TMCC1: variants seen among roughly 807,000 people sequenced by gnomAD.
The protein encoded by TMCC1 is transmembrane and coiled-coil domain family 1.
In TMCC1, 15 loss-of-function variants were observed where a neutral mutation model predicts 52.4. The observed-to-expected ratio is 0.29, with a 90% CI of 0.19 to 0.44. The LOEUF is 0.44. TMCC1 is among the 20% of genes least tolerant of loss of function. TMCC1 has a pLI of 1.00. For synonymous variants in TMCC1, 279 were observed against 301.9 expected, an observed-to-expected ratio of 0.92 and a Z score of 0.79; for missense variants, 503 against 806.0, an observed-to-expected ratio of 0.62 and a Z score of 4.55.
intron 1 of TMCC1, among the ~76,000 whole-genome samples, chr3:129,883,883 G>GA (rs1164726294): frequency 5.3e-5 from 8 of 151,276 alleles, no homozygotes; most frequent in African/African-American, 1.9e-4. Flanking sequence ...ATTAAAAAAA[G>GA]AAAAAATATA....
At position 129,670,741 on chromosome 3, in the gene TMCC1, G is replaced by A; in HGVS notation, c.1100C>T (p.Ser367Leu). 1 of 1,614,174 alleles carries A rather than the reference G, an allele frequency of 6.2e-7. No homozygotes were observed. Residue 367 changes from serine (S) to leucine (L), a missense_variant, in exon 5 of 7, where the codon TCA becomes TTA. This residue lies in a region of TMCC1 where 73 missense variants were observed against 182.9 expected (regional missense o/e 0.40). Coordinates refer to ENST00000393238, the MANE Select transcript of TMCC1 (RefSeq NM_001017395.5). ...GAGTGAGGCAATCTCTCTGGGCTTT[G>A]AGACTACAGCGCCTGCTGCTGAATG... The part of the protein sequence containing the change: ...ATHSAAGAVV[S>L]KPREIASLIR...
chr3:129,842,991 G>A (rs1186208235), intron 2 of TMCC1, among the ~76,000 whole-genome samples: 1 of 151,998 alleles, frequency 6.6e-6, no homozygotes, highest in Non-Finnish European at 1.5e-5. Flanking sequence ...TATAAAAGAA[G>A]ACCTAAAACC....
intron 6 of TMCC1, among the ~76,000 whole-genome samples, chr3:129,652,562 C>G (rs2086405338): frequency 6.6e-6 from 1 of 152,184 alleles, no homozygotes; most frequent in South Asian, 2.1e-4. Context: ...CCATGCCAGA[C>G]AAGGTTAAAT....
At chr3:129,731,678 A>C (rs1025934763) in intron 4 of TMCC1, among the ~76,000 whole-genome samples, 5 of 151,238 alleles carry the variant, frequency 3.3e-5, no homozygotes, top group Non-Finnish European at 5.9e-5. Flanking sequence ...TGCCTGGCCC[A>C]AAATTTTTTT....
rs1387591990 is a variant in TMCC1 at position 129,669,391 on chromosome 3, G to A, written c.1511+939C>T. Among the ~76,000 whole-genome samples the A allele has an allele frequency of 2.6e-5, 4 of 151,980 alleles. No homozygotes were observed. The East Asian group carries it at 5.8e-4, about 22-fold the overall frequency. ...TAGTCCTCAATTTGCAGCATTAGGTGGCCTGTCTCTGGCTAACAAAGTTTG... is the reference window on the plus strand; with the variant it reads ...TAGTCCTCAATTTGCAGCATTAGGTAGCCTGTCTCTGGCTAACAAAGTTTG... On this transcript the variant is annotated intron_variant, in intron 5 of 6. Coordinates refer to ENST00000393238, the MANE Select transcript of TMCC1 (RefSeq NM_001017395.5).
chr3:129,706,781 CTTGTTT>C (rs2048280055), intron 4 of TMCC1, among the ~76,000 whole-genome samples: 1 of 152,040 alleles, frequency 6.6e-6, no homozygotes, highest in African/African-American at 2.4e-5. Flanking sequence ...AAGTCATTTC[CTTGTTT>C]TTATTTCATT....
intron 4 of TMCC1, among the ~76,000 whole-genome samples, chr3:129,693,175 T>C (rs2047148152): frequency 6.6e-6 from 1 of 152,158 alleles, no homozygotes; most frequent in Middle Eastern, 3.2e-3. Flanking sequence ...CTTTGATGGG[T>C]TTGCGTCTTT....
intron 4 of TMCC1, among the ~76,000 whole-genome samples, chr3:129,717,780 T>C (rs1041238871): frequency 3.3e-5 from 5 of 152,188 alleles, no homozygotes; most frequent in Admixed American, 6.5e-5. Context: ...TGAACCATGA[T>C]CATATATTGT....
intron 4 of TMCC1, among the ~76,000 whole-genome samples, chr3:129,735,939 C>T (rs1378534710): frequency 6.6e-6 from 1 of 152,150 alleles, no homozygotes; most frequent in Non-Finnish European, 1.5e-5. Context: ...TGGGGGGACT[C>T]CTGGAACATC....
At chr3:129,699,953 G>A (rs1350345925) in intron 4 of TMCC1, among the ~76,000 whole-genome samples, 1 of 151,990 alleles carries the variant, frequency 6.6e-6, no homozygotes. Flanking sequence ...AAAACCTTAG[G>A]TATTACTTTA....
chr3:129,841,584 AAAT>A (rs370617810), intron 2 of TMCC1, among the ~76,000 whole-genome samples: 7 of 152,180 alleles, frequency 4.6e-5, no homozygotes, highest in African/African-American at 1.2e-4. Flanking sequence ...CTCCCTCTCA[AAAT>A]AATAATAATA....
chr3:129,788,620 G>A (rs954938494), intron 4 of TMCC1, among the ~76,000 whole-genome samples: 4 of 151,596 alleles, frequency 2.6e-5, no homozygotes, highest in Non-Finnish European at 4.4e-5. Flanking sequence ...CCGCCACCAC[G>A]CCCGGCTAAT....
At chr3:129,699,651 C>A (rs2047672816) in intron 4 of TMCC1, among the ~76,000 whole-genome samples, 1 of 152,200 alleles carries the variant, frequency 6.6e-6, no homozygotes, top group Non-Finnish European at 1.5e-5. Flanking sequence ...GATGCAAGAA[C>A]CCTCTCTTGG....
At chr3:129,865,527 A>G (rs1172678648) in intron 2 of TMCC1, among the ~76,000 whole-genome samples, 1 of 152,218 alleles carries the variant, frequency 6.6e-6, no homozygotes, top group Non-Finnish European at 1.5e-5. Context: ...AATAGCCCAA[A>G]GAGGATAGGG....
chr3:129,663,013 C>T (rs1377623451), intron 5 of TMCC1, among the ~76,000 whole-genome samples: 1 of 152,174 alleles, frequency 6.6e-6, no homozygotes, highest in Non-Finnish European at 1.5e-5. Context: ...AAGTATTAAA[C>T]ACATCAAGAT....
chr3:129,766,750 C>G (rs1023327354), intron 4 of TMCC1, among the ~76,000 whole-genome samples: 2 of 151,898 alleles, frequency 1.3e-5, no homozygotes, highest in Admixed American at 1.3e-4. Context: ...TCTCTAGTAG[C>G]TGGGACTACA....
At chr3:129,656,511 A>C (rs2086677414) in intron 5 of TMCC1, 1 of 151,944 alleles carries the variant, frequency 6.6e-6, no homozygotes, top group Admixed American at 6.5e-5. Context: ...TTTAAAGAAT[A>C]TAATGAATTT....
At chr3:129,667,243 AGAC>A (rs1407950616) in intron 5 of TMCC1, among the ~76,000 whole-genome samples, 9 of 149,910 alleles carry the variant, frequency 6.0e-5, no homozygotes, top group Admixed American at 2.7e-4. Context: ...AAAAAAAAAA[AGAC>A]TTCAATTTGT....
chr3:129,741,205 A>C (rs1045948524), intron 4 of TMCC1, among the ~76,000 whole-genome samples: 1 of 152,178 alleles, frequency 6.6e-6, no homozygotes, highest in Non-Finnish European at 1.5e-5. Context: ...TAATTACTGA[A>C]AACTGGTTTC....
Sources: gnomAD v4.1 joint callset for allele counts (sites outside exome capture counted in the v4.1 genomes callset) on GRCh38, gnomAD v4.1.1 for gene constraint, gnomAD v4.1.1 regional missense constraint, MANE v1.5 for transcripts, NCBI Gene and HGNC (gene_info 2026-07-23, HGNC 2026-07-21) for gene names.